CNTN5: variants seen among roughly 807,000 people sequenced by gnomAD.
The protein encoded by CNTN5 is contactin-5.
CNTN5 carries 77 observed loss-of-function variants against 129.1 expected under a neutral mutation model. The observed-to-expected ratio is 0.60, with a 90% CI of 0.50 to 0.72. CNTN5 has a LOEUF of 0.72. Among genes scored for constraint, CNTN5 ranks in the 30% least tolerant of loss-of-function variants. The pLI is 0.00. For missense variants in CNTN5, 1,478 were observed against 1,328.8 expected (o/e 1.11, Z -1.75); for synonymous variants, 509 against 465.6 (o/e 1.09, Z -1.20).
chr11:99,936,610 C>T (rs939536900), intron 7 of CNTN5, among the ~76,000 whole-genome samples: 59 of 152,106 alleles, frequency 3.9e-4, no homozygotes, highest in African/African-American at 1.3e-3. Flanking sequence ...GCTTATTTCT[C>T]TCTAGCTTGC....
chr11:99,834,985 T>G (rs185860928), intron 4 of CNTN5, among the ~76,000 whole-genome samples: 1 of 152,328 alleles, frequency 6.6e-6, no homozygotes, highest in African/African-American at 2.4e-5. Flanking sequence ...GGAGTTTCCC[T>G]TCTTATATGT....
chr11:99,319,932 A>G (rs1262974834), intron 1 of CNTN5, among the ~76,000 whole-genome samples: 1 of 152,118 alleles, frequency 6.6e-6, no homozygotes, highest in Admixed American at 6.5e-5. Context: ...TTGATAAATA[A>G]ATTCATGGGT....
intron 9 of CNTN5, among the ~76,000 whole-genome samples, chr11:100,038,062 G>C (rs1265766423): frequency 1.3e-5 from 2 of 151,576 alleles, no homozygotes; most frequent in Non-Finnish European, 2.9e-5. Context: ...GTGATGTTAG[G>C]GTGTCAATTT....
At chr11:99,050,584 T>C (rs1451644769) in intron 1 of CNTN5, among the ~76,000 whole-genome samples, 1 of 151,730 alleles carries the variant, frequency 6.6e-6, no homozygotes, top group Non-Finnish European at 1.5e-5. Flanking sequence ...AATATACAAG[T>C]GTACACATTC....
intron 2 of CNTN5, among the ~76,000 whole-genome samples, chr11:99,378,794 A>G (rs1332094580): frequency 6.6e-6 from 1 of 152,146 alleles, no homozygotes; most frequent in Non-Finnish European, 1.5e-5. Context: ...CTGCAATTAA[A>G]TCATCCTATT....
intron 3 of CNTN5, among the ~76,000 whole-genome samples, chr11:99,627,128 C>A (rs138637015): frequency 6.6e-5 from 10 of 152,084 alleles, no homozygotes; most frequent in African/African-American, 2.2e-4. Context: ...GCTCGCTGTT[C>A]GTGTTGCAGG....
chr11:99,778,618 G>A (rs78637329), intron 3 of CNTN5, among the ~76,000 whole-genome samples: 5,122 of 151,582 alleles, frequency 0.034, 135 homozygotes, highest in South Asian at 0.097. Flanking sequence ...GGAAGAGATG[G>A]CCAAATGAAA....
chr11:100,017,872 A>G (rs1940915608), intron 9 of CNTN5, among the ~76,000 whole-genome samples: 1 of 151,998 alleles, frequency 6.6e-6, no homozygotes, highest in African/African-American at 2.4e-5. Flanking sequence ...CATTATCTTT[A>G]GTCTGTGGGT....
intron 7 of CNTN5, among the ~76,000 whole-genome samples, chr11:99,925,075 C>T (rs1950030140): frequency 6.6e-6 from 1 of 152,090 alleles, no homozygotes; most frequent in Admixed American, 6.6e-5. Flanking sequence ...AGTGCAAAAC[C>T]ATAGACAGGT....
intron 2 of CNTN5, among the ~76,000 whole-genome samples, chr11:99,523,445 A>G (rs565530546): frequency 7.2e-5 from 11 of 152,066 alleles, no homozygotes; most frequent in Non-Finnish European, 1.5e-4. Context: ...AAACACAAAA[A>G]TTAGCCAGGT....
At chr11:99,066,799 T>C (rs1865122052) in intron 1 of CNTN5, among the ~76,000 whole-genome samples, 1 of 152,078 alleles carries the variant, frequency 6.6e-6, no homozygotes, top group Non-Finnish European at 1.5e-5. Context: ...GCCAACTAAT[T>C]ACTGAGCACA....
intron 1 of CNTN5, among the ~76,000 whole-genome samples, chr11:99,058,910 G>A (rs1864747727): frequency 6.7e-6 from 1 of 149,784 alleles, no homozygotes; most frequent in African/African-American, 2.4e-5. Context: ...CTGATGGTGG[G>A]CAGTTATATA....
At chr11:99,361,429 G>T (rs73543120) in intron 2 of CNTN5, among the ~76,000 whole-genome samples, 1 of 152,014 alleles carries the variant, frequency 6.6e-6, no homozygotes, top group African/African-American at 2.4e-5. Context: ...ATAAATAATT[G>T]AACCTGTGAT....
intron 7 of CNTN5, among the ~76,000 whole-genome samples, chr11:99,940,346 C>T (rs995676565): frequency 6.6e-6 from 1 of 151,986 alleles, no homozygotes; most frequent in African/African-American, 2.4e-5. Flanking sequence ...ATTGCTGACT[C>T]TTTGAAATAA....
intron 1 of CNTN5, among the ~76,000 whole-genome samples, chr11:99,057,697 T>C (rs1864681092): frequency 6.6e-6 from 1 of 151,296 alleles, no homozygotes; most frequent in Non-Finnish European, 1.5e-5. Flanking sequence ...AAAAAAGAAG[T>C]GGAAAAAAAG....
chr11:99,382,364 T>C (rs1283041126), intron 2 of CNTN5, among the ~76,000 whole-genome samples: 1 of 152,022 alleles, frequency 6.6e-6, no homozygotes, highest in Non-Finnish European at 1.5e-5. Context: ...CCCAAACTCA[T>C]GGGGAAGCAC....
chr11:100,003,126 T>C (rs2137481181), intron 9 of CNTN5, among the ~76,000 whole-genome samples: 1 of 152,202 alleles, frequency 6.6e-6, no homozygotes, highest in South Asian at 2.1e-4. Flanking sequence ...TGTTTTAATA[T>C]CAAGAATGAT....
intron 3 of CNTN5, among the ~76,000 whole-genome samples, chr11:99,715,425 G>A (rs1476006454): frequency 6.6e-6 from 1 of 151,708 alleles, no homozygotes; most frequent in African/African-American, 2.4e-5. Context: ...CACCAAGAGA[G>A]CAGAATAGTT....
intron 7 of CNTN5, among the ~76,000 whole-genome samples, chr11:99,925,908 A>G (rs1213233518): frequency 6.6e-6 from 1 of 152,122 alleles, no homozygotes; most frequent in Admixed American, 6.5e-5. Flanking sequence ...CTAAATAGCT[A>G]TATTGTACCA....
Sources: allele counts gnomAD v4.1 joint callset (sites outside exome capture counted in the v4.1 genomes callset), GRCh38; gene constraint gnomAD v4.1.1; transcripts MANE v1.5; gene names NCBI Gene and HGNC (gene_info 2026-07-23, HGNC 2026-07-21).